The following FARS2 variants were observed in gnomAD, a reference collection of about 807,000 sequenced individuals.
FARS2 encodes phenylalanyl-tRNA synthetase 2, mitochondrial, also known as phenylalanine--tRNA ligase, mitochondrial.
FARS2 carries 40 observed loss-of-function variants against 46.4 expected under a neutral mutation model. The ratio of observed to expected loss-of-function variants is 0.86; its 90% confidence interval spans 0.67 to 1.12. The LOEUF (loss-of-function observed/expected upper bound fraction) is 1.12, where lower values mean the gene tolerates loss of function less well. FARS2 is among the 50% of genes most tolerant of loss of function. The pLI is 0.00. For missense variants in FARS2, 513 were observed against 567.9 expected, an observed-to-expected ratio of 0.90 and a Z score of 0.98; for synonymous variants, 234 against 214.9, an observed-to-expected ratio of 1.09 and a Z score of -0.78.
chr6:5,417,914 G>C lies in FARS2; in HGVS notation c.773-13127G>C, dbSNP rs370230034. The stretch of plus-strand genomic sequence containing the variant: ...GTGCTCTGTTCATTTTTCTTTCAGT[G>C]ATTTTTTTTTCCTTCTATATTGCAT... On this transcript the variant is annotated intron_variant, in intron 3 of 6. Coordinates refer to ENST00000274680, the MANE Select transcript of FARS2 (RefSeq NM_006567.5). Among the ~76,000 whole-genome samples the C allele has an allele frequency of 2.0e-5, 3 of 151,964 alleles. No individual in the cohort carries two copies. In the East Asian group the frequency reaches 5.8e-4, roughly 29 times the overall value.
chr6:5,707,296 C>T (rs1011720798), intron 6 of FARS2, among the ~76,000 whole-genome samples: 5 of 152,204 alleles, frequency 3.3e-5, no homozygotes, highest in South Asian at 2.1e-4. Context: ...TCCAATATTA[C>T]ATGGATTTGA....
At chr6:5,396,030 A>G (rs1423159762) in intron 2 of FARS2, among the ~76,000 whole-genome samples, 10 of 152,342 alleles carry the variant, frequency 6.6e-5, no homozygotes, top group Non-Finnish European at 1.0e-4. Context: ...TCTATTTCAT[A>G]TATAACTATT....
At chr6:5,751,401 C>T (rs1045112232) in intron 6 of FARS2, among the ~76,000 whole-genome samples, 2 of 152,182 alleles carry the variant, frequency 1.3e-5, no homozygotes, top group African/African-American at 4.8e-5. Context: ...CACCATTTTC[C>T]TGTTGGGCAA....
At chr6:5,302,729 T>C (rs1355661153) in intron 1 of FARS2, among the ~76,000 whole-genome samples, 2 of 152,094 alleles carry the variant, frequency 1.3e-5, no homozygotes, top group Admixed American at 6.5e-5. Flanking sequence ...CCTGACTGTG[T>C]GGGGGGCTAT....
chr6:5,332,583 C>T (rs1770871543), intron 1 of FARS2, among the ~76,000 whole-genome samples: 3 of 152,110 alleles, frequency 2.0e-5, no homozygotes, highest in Admixed American at 1.3e-4. Context: ...TGAGTTACTC[C>T]GATTAACATC....
intron 6 of FARS2, among the ~76,000 whole-genome samples, chr6:5,717,351 ATGTGTGTG>A (rs58875741): frequency 0.023 from 3,325 of 141,724 alleles, 114 homozygotes; most frequent in African/African-American, 0.08. Flanking sequence ...AGATATGTAT[ATGTGTGTG>A]TGTGTGTGTG....
At chr6:5,576,933 G>T (rs1452721124) in intron 5 of FARS2, among the ~76,000 whole-genome samples, 1 of 151,810 alleles carries the variant, frequency 6.6e-6, no homozygotes, top group African/African-American at 2.4e-5. Flanking sequence ...ATGATTCTTA[G>T]ACAGTCTCTG....
At chr6:5,289,346 A>C (rs1411878916) in intron 1 of FARS2, among the ~76,000 whole-genome samples, 1 of 152,234 alleles carries the variant, frequency 6.6e-6, no homozygotes, top group African/African-American at 2.4e-5. Flanking sequence ...GTTTTGAACA[A>C]AGAATTAGAC....
At chr6:5,304,145 A>G (rs1768527533) in intron 1 of FARS2, among the ~76,000 whole-genome samples, 1 of 152,196 alleles carries the variant, frequency 6.6e-6, no homozygotes, top group Admixed American at 6.5e-5. Context: ...CTTAGAAATA[A>G]AGAAGGGAAA....
At chr6:5,534,479 T>A (rs1015198405) in intron 4 of FARS2, among the ~76,000 whole-genome samples, 2 of 152,224 alleles carry the variant, frequency 1.3e-5, no homozygotes, top group Non-Finnish European at 2.9e-5. Flanking sequence ...CTAATCTGCT[T>A]ACTGTTCAAG....
chr6:5,312,958 A>T (rs1289255423), intron 1 of FARS2, among the ~76,000 whole-genome samples: 2 of 152,162 alleles, frequency 1.3e-5, no homozygotes, highest in African/African-American at 4.8e-5. Context: ...TAGGGGATGT[A>T]TGAATTGCTG....
intron 6 of FARS2, among the ~76,000 whole-genome samples, chr6:5,739,590 G>A (rs767031400): frequency 6.6e-6 from 1 of 152,218 alleles, no homozygotes; most frequent in East Asian, 1.9e-4. Flanking sequence ...CCATCTTCAC[G>A]GGAAATGTCT....
At chr6:5,725,415 A>G (rs1374784034) in intron 6 of FARS2, among the ~76,000 whole-genome samples, 1 of 152,176 alleles carries the variant, frequency 6.6e-6, no homozygotes. Flanking sequence ...GTTAGGTCTG[A>G]GTTTTGAGGC....
rs1486916171 is a variant in FARS2, at chr6:5,343,749, G to A, written c.-21-24801G>A. On this transcript the variant is annotated intron_variant, in intron 1 of 6. Transcript: ENST00000274680. The surrounding 1 kb of genome is among the most constrained non-coding windows in gnomAD (Gnocchi z 4.5). ...CTGTCTAGGGATTCTCCTGTGGGAG[G>A]GAGAGGACCTTTGTCTTGGTAGCTG... 6.6e-6 allele frequency among the ~76,000 whole-genome samples: 1 copy of A among 152,146 alleles called. No homozygotes were observed. Among genetic ancestry groups the A allele is most frequent in the African/African-American group, 2.4e-5 (1 of 41,412 alleles).
At chr6:5,740,685 C>T (rs964789171) in intron 6 of FARS2, among the ~76,000 whole-genome samples, 3 of 152,150 alleles carry the variant, frequency 2.0e-5, no homozygotes, top group African/African-American at 7.2e-5. Context: ...GAGAAACCCT[C>T]CTGGAGACCT....
At chr6:5,645,245 C>T (rs544990821) in intron 6 of FARS2, among the ~76,000 whole-genome samples, 1 of 152,312 alleles carries the variant, frequency 6.6e-6, no homozygotes, top group South Asian at 2.1e-4. Context: ...TACCTGCTTG[C>T]AGGCAGAATT....
intron 4 of FARS2, among the ~76,000 whole-genome samples, chr6:5,435,169 T>C (rs145557077): frequency 1.3e-5 from 2 of 152,346 alleles, no homozygotes; most frequent in African/African-American, 4.8e-5. Flanking sequence ...AATAGTAAAT[T>C]GCATGATTTT....
At chr6:5,598,675 GT>G (rs778263033) in intron 5 of FARS2, among the ~76,000 whole-genome samples, 1 of 152,280 alleles carries the variant, frequency 6.6e-6, no homozygotes, top group East Asian at 1.9e-4. Context: ...CAGAAACAGT[GT>G]TAATTCTTTA....
upstream of FARS2, chr6:5,261,071 G>T: frequency 1.9e-6 from 1 of 517,204 alleles, no homozygotes; most frequent in Non-Finnish European, 2.6e-6. Context: ...GGAAATAAGA[G>T]GACTGGCCGC....
Sources: allele counts gnomAD v4.1 joint callset (sites outside exome capture counted in the v4.1 genomes callset), GRCh38; gene constraint gnomAD v4.1.1; non-coding constraint Gnocchi (gnomAD v3.1); transcripts MANE v1.5; gene names NCBI Gene and HGNC (gene_info 2026-07-23, HGNC 2026-07-21).